The following ITGAV variants were observed in gnomAD, a reference collection of about 807,000 sequenced individuals.
The protein encoded by ITGAV is integrin alpha-V.
Under a neutral mutation model 143.8 loss-of-function variants are expected in ITGAV, and 76 were observed. The observed-to-expected ratio is 0.53, with a 90% CI of 0.44 to 0.64. The LOEUF is 0.64. ITGAV is among the 30% of genes least tolerant of loss of function. The pLI is 0.00. For missense variants in ITGAV, 1,193 were observed against 1,274.7 expected (o/e 0.94, Z 0.98); for synonymous variants, 453 against 446.7 (o/e 1.01, Z -0.18).
chr2:186,613,827 G>T (rs1687282165), intron 2 of ITGAV, among the ~76,000 whole-genome samples: 1 of 152,112 alleles, frequency 6.6e-6, no homozygotes, highest in South Asian at 2.1e-4. Context: ...CACCAGTTTA[G>T]TCTTCAGGAG....
chr2:186,622,877 T>C (rs1488235168), intron 3 of ITGAV, among the ~76,000 whole-genome samples: 1 of 151,972 alleles, frequency 6.6e-6, no homozygotes, highest in African/African-American at 2.4e-5. Flanking sequence ...ATTCTCCTGC[T>C]GCAGCCTCCC....
In ITGAV at chr2:186,665,234, T is replaced by C; in HGVS notation, c.2166+16T>C. The C allele has an allele frequency of 6.6e-7, 1 of 1,518,586 alleles. No homozygotes were observed. The allele number at this position is 1,518,586 out of a possible 1,614,324, so 94.1% of individuals were successfully genotyped here. A position where few individuals can be genotyped will look rare whatever the true frequency, so the allele number is the denominator to read the frequency against. On this transcript the variant is annotated intron_variant, in intron 21 of 29. Transcript: ENST00000261023. ...TGGAACTCAAGTAAGACAATTTAAT[T>C]AAACGGATTTTTCTCCCTGGCAAAT...
chr2:186,638,642 G>GTGTGTC (rs1441499899), intron 10 of ITGAV, among the ~76,000 whole-genome samples, 177 bp downstream of exon 10: 1 of 147,044 alleles, frequency 6.8e-6, no homozygotes, highest in Non-Finnish European at 1.5e-5. Flanking sequence ...GTGTGTGTGT[G>GTGTGTC]TGTGTGTGTG....
At chr2:186,621,791 T>A (rs1234483128) in intron 2 of ITGAV, among the ~76,000 whole-genome samples, 1 of 152,182 alleles carries the variant, frequency 6.6e-6, no homozygotes, top group Non-Finnish European at 1.5e-5. Context: ...ATTTTCTCAA[T>A]AGTGAGGGCT....
intron 2 of ITGAV, among the ~76,000 whole-genome samples, chr2:186,614,657 G>T (rs1381460490): frequency 1.3e-5 from 2 of 151,292 alleles, no homozygotes; most frequent in African/African-American, 4.9e-5. Flanking sequence ...CTCTTTCTGG[G>T]TTTTTAAATT....
At chr2:186,675,578 T>C in intron 26 of ITGAV, 26 bp from the exon 27 acceptor site, 1 of 1,566,096 alleles carries the variant, frequency 6.4e-7, no homozygotes. Context: ...GACCTTTTCT[T>C]ATAAGTAAAG....
chr2:186,603,339 G>A (rs1370936414), intron 2 of ITGAV, among the ~76,000 whole-genome samples: 8 of 152,164 alleles, frequency 5.3e-5, no homozygotes, highest in African/African-American at 1.9e-4. Flanking sequence ...AAATATGTCA[G>A]TGAAACAGGA....
intron 3 of ITGAV, 68 bp from the exon 4 acceptor site, chr2:186,625,405 G>A (rs1298758109): frequency 1.1e-6 from 1 of 903,608 alleles, no homozygotes; most frequent in African/African-American, 1.6e-5. Context: ...TTCTGAAGTA[G>A]TATAGAGCAT....
intron 2 of ITGAV, among the ~76,000 whole-genome samples, chr2:186,618,804 G>T (rs1313274965): frequency 1.3e-5 from 2 of 152,174 alleles, no homozygotes; most frequent in Non-Finnish European, 2.9e-5. Context: ...TGACAAAAGT[G>T]GGAATGTAAA....
chr2:186,625,449 C>T (rs377730220), intron 3 of ITGAV, 24 bp from the exon 4 acceptor site: 16 of 1,493,604 alleles, frequency 1.1e-5, no homozygotes, highest in African/African-American at 2.8e-5. Context: ...ATCTTCGTGT[C>T]GTGGACTAAA....
chr2:186,664,921 G>A (rs537494031), intron 20 of ITGAV, among the ~76,000 whole-genome samples: 1 of 152,226 alleles, frequency 6.6e-6, no homozygotes, highest in South Asian at 2.1e-4. Flanking sequence ...GAGGCTGTAT[G>A]GTTTTGTATG....
At chr2:186,648,992 G>GTA (rs200943571) in intron 13 of ITGAV, among the ~76,000 whole-genome samples, 278 of 7,708 alleles carry the variant, frequency 0.036, 108 homozygotes, top group Admixed American at 0.16. Context: ...ACATTTGTGT[G>GTA]TATATATATA....
At chr2:186,631,271 T>C (rs1687807666) in intron 5 of ITGAV, among the ~76,000 whole-genome samples, 1 of 152,160 alleles carries the variant, frequency 6.6e-6, no homozygotes, top group Non-Finnish European at 1.5e-5. Context: ...CTGGGAAACA[T>C]GTATGTTTGC....
intron 12 of ITGAV, among the ~76,000 whole-genome samples, chr2:186,641,947 T>TA (rs112121156): frequency 0.03 from 4,473 of 151,274 alleles, 217 homozygotes; most frequent in African/African-American, 0.1. Flanking sequence ...CTACAAGTGT[T>TA]AAAAAAAAAT....
At chr2:186,652,541 A>G (rs1688465332) in intron 15 of ITGAV, among the ~76,000 whole-genome samples, 1 of 152,062 alleles carries the variant, frequency 6.6e-6, no homozygotes. Flanking sequence ...ATAGTGCTCC[A>G]AAAAGGATAT....
intron 2 of ITGAV, among the ~76,000 whole-genome samples, chr2:186,608,731 A>G (rs1451126796): frequency 6.6e-6 from 1 of 152,034 alleles, no homozygotes; most frequent in Non-Finnish European, 1.5e-5. Flanking sequence ...CCACTTCCAT[A>G]TGGTGGGTTG....
At chr2:186,652,184 C>A in intron 15 of ITGAV, 95 bp downstream of exon 15, 2 of 745,892 alleles carry the variant, frequency 2.7e-6, no homozygotes, top group South Asian at 1.7e-5. Context: ...TGAAATATTG[C>A]TAAAACAGTT....
At position 186,637,665 on chromosome 2, in the gene ITGAV, TC is replaced by T; in HGVS notation, c.802+558del. Among the ~76,000 whole-genome samples, 2 of 152,314 alleles carry T rather than the reference TC, an allele frequency of 1.3e-5. 1 individual carries two copies. The highest frequency in any genetic ancestry group is 4.1e-4 in the South Asian group (2 of 4,822). On this transcript the variant is annotated intron_variant, in intron 8 of 29. Coordinates refer to ENST00000261023, the MANE Select transcript of ITGAV (RefSeq NM_002210.5). ...CAGCTACACTTGGCTTCAGTGCCTT[TC>T]CTTTCTGCTTCTTTTTAGCCCCCAA...
chr2:186,617,224 T>C (rs971478210), intron 2 of ITGAV, among the ~76,000 whole-genome samples: 1 of 152,218 alleles, frequency 6.6e-6, no homozygotes, highest in Non-Finnish European at 1.5e-5. Context: ...GGTGACATAA[T>C]CTTGTTCCAA....
Sources: allele counts gnomAD v4.1 joint callset (sites outside exome capture counted in the v4.1 genomes callset), GRCh38; gene constraint gnomAD v4.1.1; transcripts MANE v1.5; gene names NCBI Gene and HGNC (gene_info 2026-07-23, HGNC 2026-07-21).